CCDC69: variants seen among roughly 807,000 people sequenced by gnomAD.
CCDC69 encodes the protein coiled-coil domain-containing protein 69.
In CCDC69, 38 loss-of-function variants were observed where a neutral mutation model predicts 40.3. That is an observed-to-expected ratio of 0.94 (90% CI 0.73 to 1.24). The LOEUF is 1.24. Ranked by LOEUF, CCDC69 falls within the 50% of genes most tolerant of loss-of-function variation. The pLI is 0.00. For synonymous variants in CCDC69, 141 were observed against 138.9 expected (o/e 1.02, Z -0.11); for missense variants, 389 against 357.9 (o/e 1.09, Z -0.70).
intron 4 of CCDC69, among the ~76,000 whole-genome samples, chr5:151,190,940 A>C (rs994661095): frequency 2.6e-5 from 4 of 152,096 alleles, no homozygotes; most frequent in Non-Finnish European, 5.9e-5. Context: ...AGTAAATTAA[A>C]TGGCTTAAAC....
intron 3 of CCDC69, among the ~76,000 whole-genome samples, chr5:151,200,622 C>A (rs935770204): frequency 6.6e-6 from 1 of 152,158 alleles, no homozygotes; most frequent in Non-Finnish European, 1.5e-5. Context: ...GGGTGAGTGA[C>A]CAAGTTAGAA....
chr5:151,185,898 C>G, intron 6 of CCDC69, 125 bp downstream of exon 6: 4 of 703,898 alleles, frequency 5.7e-6, no homozygotes, highest in Non-Finnish European at 1.0e-5. Context: ...ATTTCCAGGC[C>G]CTTGTGTAGG....
chr5:151,184,161 T>C (rs1316724985), intron 8 of CCDC69, among the ~76,000 whole-genome samples, 183 bp downstream of exon 8: 2 of 152,184 alleles, frequency 1.3e-5, no homozygotes, highest in African/African-American at 4.8e-5. Context: ...ATTGGGACTT[T>C]GGTTTCTGAG....
chr5:151,190,060 C>T (rs2113986415), intron 4 of CCDC69, among the ~76,000 whole-genome samples: 1 of 152,242 alleles, frequency 6.6e-6, no homozygotes, highest in Middle Eastern at 3.4e-3. Flanking sequence ...GAATTCATCA[C>T]CAGCAAACCT....
chr5:151,205,585 ACCAGACCCTGCCCCACGC>A, intron 1 of CCDC69, 110 bp from the exon 2 acceptor site: 1 of 868,100 alleles, frequency 1.2e-6, no homozygotes, highest in Non-Finnish European at 1.9e-6. Flanking sequence ...CTTCAGTTAC[ACCAGACCCTGCCCCACGC>A]CTGCGCATTG....
intron 2 of CCDC69, among the ~76,000 whole-genome samples, chr5:151,202,260 C>T (rs1752786177): frequency 6.6e-6 from 1 of 151,468 alleles, no homozygotes; most frequent in Admixed American, 6.6e-5. Context: ...ACTAGGGAGA[C>T]CAAAGCAGGA....
chr5:151,184,005 C>CT (rs571649621), intron 8 of CCDC69, among the ~76,000 whole-genome samples: 181 of 152,300 alleles, frequency 1.2e-3, no homozygotes, highest in African/African-American at 4.2e-3. Context: ...ACACATGATA[C>CT]TAGCTCTTAT....
intron 7 of CCDC69, 124 bp from the exon 8 acceptor site, chr5:151,184,565 A>T: frequency 1.6e-6 from 1 of 607,556 alleles, no homozygotes; most frequent in African/African-American, 1.8e-5. Flanking sequence ...GTTACATTTC[A>T]TGGAGCAATA....
intron 1 of CCDC69, among the ~76,000 whole-genome samples, chr5:151,214,475 C>T: frequency 6.6e-6 from 1 of 152,226 alleles, no homozygotes; most frequent in African/African-American, 2.4e-5. Flanking sequence ...GCCTCCCCAT[C>T]TCTAAGATGG....
chr5:151,193,821 A>G (rs981968428), intron 4 of CCDC69, among the ~76,000 whole-genome samples: 7 of 152,234 alleles, frequency 4.6e-5, no homozygotes, highest in African/African-American at 1.4e-4. Flanking sequence ...CCCACTGGCT[A>G]GGAGAAAATA....
intron 1 of CCDC69, among the ~76,000 whole-genome samples, chr5:151,221,881 T>G (rs1753139691): frequency 6.6e-6 from 1 of 152,204 alleles, no homozygotes; most frequent in Admixed American, 6.5e-5. Context: ...GCTCATGCCT[T>G]CCAAGGGGTT....
chr5:151,215,952 A>G lies in CCDC69; in HGVS notation c.48+7971T>C, dbSNP rs1753031682. ...CCTTTATGTACAAAGATGGAAAGGC[A>G]TTTGGTAAAATACCAATATCCAAAC... On this transcript the variant is annotated intron_variant, in intron 1 of 8. Coordinates refer to ENST00000355417, the MANE Select transcript of CCDC69 (RefSeq NM_015621.3). 2.6e-5 allele frequency among the ~76,000 whole-genome samples: 4 copies of G among 152,366 alleles called. 1 individual carries two copies. In the South Asian group the frequency reaches 8.3e-4, roughly 32 times the overall value.
intron 1 of CCDC69, among the ~76,000 whole-genome samples, chr5:151,214,203 A>G (rs527440202): frequency 1.3e-5 from 2 of 152,334 alleles, no homozygotes; most frequent in Admixed American, 1.3e-4. Context: ...CAAGGGGCTC[A>G]GGTCACACCC....
chr5:151,204,067 T>C (rs904372166), intron 2 of CCDC69, among the ~76,000 whole-genome samples: 4 of 151,784 alleles, frequency 2.6e-5, no homozygotes, highest in African/African-American at 9.7e-5. Flanking sequence ...TCTTGCTCTG[T>C]TGCCCAGGTT....
chr5:151,213,633 C>T (rs941884525), intron 1 of CCDC69, among the ~76,000 whole-genome samples: 3 of 152,282 alleles, frequency 2.0e-5, no homozygotes, highest in Admixed American at 6.5e-5. Flanking sequence ...CAGCTATTCC[C>T]TACCTTGGGA....
At chr5:151,190,664 T>C (rs1368805517) in intron 4 of CCDC69, among the ~76,000 whole-genome samples, 4 of 34,678 alleles carry the variant, frequency 1.2e-4, no homozygotes, top group Admixed American at 1.0e-3. Context: ...AGACTCTGTC[T>C]CAAAAAAAAA....
rs184496235 is a variant in CCDC69, at chr5:151,216,982, C to T, written c.48+6941G>A. Among the ~76,000 whole-genome samples the T allele has an allele frequency of 9.2e-5, 14 of 152,180 alleles. No homozygotes were observed. In the East Asian group the frequency reaches 2.3e-3, roughly 25 times the overall value. ...AGAAAGGCTGGTCAAACGATACAAA[C>T]ATACAGCCAGATGGAAGGACTACAT... On this transcript the variant is annotated intron_variant, in intron 1 of 8. Transcript: ENST00000355417.
At chr5:151,203,007 T>C (rs1752797707) in intron 2 of CCDC69, among the ~76,000 whole-genome samples, 1 of 152,118 alleles carries the variant, frequency 6.6e-6, no homozygotes, top group African/African-American at 2.4e-5. Context: ...CTCAGAGGGA[T>C]GACTCACCTG....
At chr5:151,187,492 A>C in intron 4 of CCDC69, 33 bp from the exon 5 acceptor site, 1 of 1,568,796 alleles carries the variant, frequency 6.4e-7, no homozygotes, top group South Asian at 1.1e-5. Context: ...TAAGCTCAAG[A>C]CACTTCTCCC....
Sources: gnomAD v4.1 joint callset for allele counts (sites outside exome capture counted in the v4.1 genomes callset) on GRCh38, gnomAD v4.1.1 for gene constraint, MANE v1.5 for transcripts, NCBI Gene and HGNC (gene_info 2026-07-23, HGNC 2026-07-21) for gene names.